Variants in GSK3B observed in about 807,000 individuals in gnomAD.
GSK3B encodes glycogen synthase kinase 3 beta, also known as glycogen synthase kinase-3 beta.
In GSK3B, 15 loss-of-function variants were observed where a neutral mutation model predicts 56.4. The observed-to-expected ratio is 0.27, with a 90% CI of 0.18 to 0.41. The LOEUF is 0.41. Among genes scored for constraint, GSK3B ranks in the 10% least tolerant of loss-of-function variants. The pLI, the probability that GSK3B is intolerant of heterozygous loss-of-function variation, is 1.00. For synonymous variants in GSK3B, 181 were observed against 188.9 expected (o/e 0.96, Z 0.34); for missense variants, 300 against 513.4 (o/e 0.58, Z 4.02).
chr3:120,018,177 T>C (rs2057842914), intron 1 of GSK3B, among the ~76,000 whole-genome samples: 1 of 152,176 alleles, frequency 6.6e-6, no homozygotes, highest in East Asian at 1.9e-4. Flanking sequence ...GAACCAGTAC[T>C]AAATCAGGGA....
intron 3 of GSK3B, among the ~76,000 whole-genome samples, chr3:119,925,735 A>C (rs1042548197): frequency 6.6e-6 from 1 of 151,932 alleles, no homozygotes; most frequent in African/African-American, 2.4e-5. Flanking sequence ...TAACCACACT[A>C]ATCACCACCA....
intron 1 of GSK3B, among the ~76,000 whole-genome samples, chr3:120,017,482 A>G (rs1242895155): frequency 6.6e-6 from 1 of 152,190 alleles, no homozygotes; most frequent in Non-Finnish European, 1.5e-5. Flanking sequence ...TGCCCCCAAT[A>G]TAACAGCTTA....
chr3:120,014,293 A>G (rs1199590951), intron 1 of GSK3B, among the ~76,000 whole-genome samples: 1 of 152,094 alleles, frequency 6.6e-6, no homozygotes, highest in Non-Finnish European at 1.5e-5. Context: ...AAATAAATTT[A>G]ATTTTAAAAA....
chr3:119,932,337 T>C lies in GSK3B; in HGVS notation c.367-8854A>G, dbSNP rs1456075025. 5.3e-5 allele frequency among the ~76,000 whole-genome samples: 8 copies of C among 152,258 alleles called. No individual in the cohort carries two copies. In the South Asian group the frequency reaches 8.3e-4, roughly 16 times the overall value. ...GCCAGGCTGGCTAGAGATGAGAATA[T>C]AGTACTAATAGTAAAGAGTGTGTGG... On this transcript the variant is annotated intron_variant, in intron 3 of 10. Transcript: ENST00000264235.
chr3:119,992,495 G>A (rs1289832973), intron 2 of GSK3B, among the ~76,000 whole-genome samples: 2 of 151,966 alleles, frequency 1.3e-5, no homozygotes, highest in Non-Finnish European at 2.9e-5. Flanking sequence ...TGCAAAAACT[G>A]AACCCTGATA....
rs1446017332 is a variant in GSK3B, at chr3:119,825,662, A to C, written c.*1126T>G. On this transcript the variant is annotated 3_prime_UTR_variant, in exon 11 of 11. Transcript: ENST00000264235. The stretch of plus-strand genomic sequence containing the variant: ...AAAGCATGAGGTTAAAAAACAAATT[A>C]AATACAGATTCTAGATTTGGATTTA... 3 of 227,582 alleles carry C rather than the reference A, an allele frequency of 1.3e-5. No individual in the cohort carries two copies. Among genetic ancestry groups the C allele is most frequent in the Non-Finnish European group, 2.6e-5 (3 of 114,736 alleles). 14.1% of individuals were successfully genotyped at this position (227,582 alleles called of 1,614,324 possible).
At chr3:119,978,222 T>G (rs2057425371) in intron 2 of GSK3B, among the ~76,000 whole-genome samples, 1 of 151,670 alleles carries the variant, frequency 6.6e-6, no homozygotes, top group South Asian at 2.1e-4. Context: ...AGAGACATAC[T>G]AGCCTCAAAA....
In GSK3B at chr3:119,822,595, T is replaced by C. The variant is rs143580214; in HGVS notation, c.*4193A>G. 126 of 229,582 alleles carry C rather than the reference T, an allele frequency of 5.5e-4. No homozygotes were observed. The highest frequency in any genetic ancestry group is 9.3e-4 in the Non-Finnish European group (108 of 115,724). The allele number at this position is 229,582 out of a possible 1,614,324, so 14.2% of individuals were successfully genotyped here. ...TGAAAATAATCCAAACCCCAGGGAT[T>C]ACTTTCAAAGCCTCTCAAAGGTAGA... is the stretch of plus-strand genomic sequence containing the variant. On this transcript the variant is annotated 3_prime_UTR_variant, in exon 11 of 11. Coordinates refer to ENST00000264235, the MANE Select transcript of GSK3B (RefSeq NM_001146156.2).
At chr3:119,885,284 A>C (rs1444756117) in intron 7 of GSK3B, among the ~76,000 whole-genome samples, 1 of 151,104 alleles carries the variant, frequency 6.6e-6, no homozygotes, top group African/African-American at 2.4e-5. Flanking sequence ...AAATAAAATA[A>C]AATAAAATAC....
At chr3:119,956,835 T>C (rs2107501444) in intron 2 of GSK3B, among the ~76,000 whole-genome samples, 1 of 152,208 alleles carries the variant, frequency 6.6e-6, no homozygotes, top group Non-Finnish European at 1.5e-5. Flanking sequence ...GCCACAAAAA[T>C]AATACCCTTG....
chr3:119,956,248 C>G (rs935294864), intron 2 of GSK3B, among the ~76,000 whole-genome samples: 1 of 152,014 alleles, frequency 6.6e-6, no homozygotes, highest in South Asian at 2.1e-4. Flanking sequence ...GGGACACATT[C>G]ATTTTGAAAC....
intron 1 of GSK3B, among the ~76,000 whole-genome samples, chr3:120,085,661 G>C (rs2058457534): frequency 6.6e-6 from 1 of 152,170 alleles, no homozygotes; most frequent in South Asian, 2.1e-4. Context: ...AATTAGCGGG[G>C]AATGGTGGCA....
chr3:119,831,160 C>G (rs1012561933), intron 10 of GSK3B, among the ~76,000 whole-genome samples: 5 of 152,050 alleles, frequency 3.3e-5, no homozygotes, highest in Admixed American at 3.3e-4. Flanking sequence ...TGCCCAAGAC[C>G]ATATAGCTAA....
intron 1 of GSK3B, among the ~76,000 whole-genome samples, chr3:120,061,302 A>C (rs1384031082): frequency 6.6e-6 from 1 of 152,266 alleles, no homozygotes; most frequent in Non-Finnish European, 1.5e-5. Flanking sequence ...GAAAATAAAG[A>C]TAGCAAAATC....
chr3:119,970,613 T>TAA (rs1170925404), intron 2 of GSK3B, among the ~76,000 whole-genome samples: 59 of 114,232 alleles, frequency 5.2e-4, no homozygotes, highest in South Asian at 1.7e-3. Context: ...CTACTAAAAT[T>TAA]AAAAAAAAAA....
intron 3 of GSK3B, among the ~76,000 whole-genome samples, chr3:119,937,957 G>T (rs1008028770): frequency 2.7e-5 from 4 of 150,678 alleles, no homozygotes; most frequent in Admixed American, 6.6e-5. Flanking sequence ...TAACCTCACA[G>T]AGACAAAAAG....
At chr3:119,829,296 C>A (rs150389860) in intron 10 of GSK3B, among the ~76,000 whole-genome samples, 230 of 152,264 alleles carry the variant, frequency 1.5e-3, no homozygotes, top group Middle Eastern at 3.4e-3. Flanking sequence ...ACACCACAAA[C>A]CCATGCTTAT....
At chr3:119,940,665 C>T (rs1370790894) in intron 3 of GSK3B, among the ~76,000 whole-genome samples, 1 of 152,060 alleles carries the variant, frequency 6.6e-6, no homozygotes, top group Non-Finnish European at 1.5e-5. Context: ...ATCTCCTTGG[C>T]TCTTGGGTGA....
At chr3:120,051,947 G>T (rs2058153957) in intron 1 of GSK3B, among the ~76,000 whole-genome samples, 1 of 152,064 alleles carries the variant, frequency 6.6e-6, no homozygotes, top group South Asian at 2.1e-4. Context: ...CTGTTTTTGT[G>T]GCATTTAAAA....
Sources: gnomAD v4.1 joint callset for allele counts (sites outside exome capture counted in the v4.1 genomes callset) on GRCh38, gnomAD v4.1.1 for gene constraint, MANE v1.5 for transcripts, NCBI Gene and HGNC (gene_info 2026-07-23, HGNC 2026-07-21) for gene names.